Variants in CYP2W1 observed in about 807,000 individuals in gnomAD.
CYP2W1 encodes cytochrome P450 2W1.
Under a neutral mutation model 44.9 loss-of-function variants are expected in CYP2W1, and 51 were observed. That is an observed-to-expected ratio of 1.14 (90% CI 0.91 to 1.43). The LOEUF (loss-of-function observed/expected upper bound fraction) is 1.43. Ranked by LOEUF, CYP2W1 falls within the 40% of genes most tolerant of loss-of-function variation. The pLI is 0.00. For missense variants in CYP2W1, 746 were observed against 700.0 expected, an observed-to-expected ratio of 1.07 and a Z score of -0.74; for synonymous variants, 383 against 338.3, an observed-to-expected ratio of 1.13 and a Z score of -1.45.
chr7:986,437 C>T (rs1039332779), intron 4 of CYP2W1, 187 bp from the exon 5 acceptor site: 6 of 653,588 alleles, frequency 9.2e-6, no homozygotes, highest in African/African-American at 3.7e-5. Context: ...GGGACACGGA[C>T]AGGGGGTTTC....
chr7:984,361 G>GC (rs1283789197), intron 1 of CYP2W1, 51 bp from the exon 2 acceptor site: 3 of 1,535,652 alleles, frequency 2.0e-6, no homozygotes, highest in Non-Finnish European at 2.6e-6. Flanking sequence ...GGGACCTAAG[G>GC]GGGGTCTTGT....
At position 988,696 on chromosome 7, in the gene CYP2W1, C is replaced by T; in HGVS notation, c.1347C>T (p.Gly449=). 1.3e-6 allele frequency: 2 copies of T among 1,599,992 alleles called. No homozygotes were observed. The highest frequency in any genetic ancestry group is 1.7e-6 in the Non-Finnish European group (2 of 1,179,636). ...CCGAGCTCTTCCTGCTGTTTGCCGG[C>T]CTCCTGCAGAGGTACCGCCTGCTGC... ...ARTELFLLFA[G]LLQRYRLLPP... is the part of the protein sequence containing the mutation. The change falls in exon 9 of 9, where the codon GGC becomes GGT. Residue 449 remains glycine, a synonymous_variant. Coordinates refer to ENST00000308919, the MANE Select transcript of CYP2W1 (RefSeq NM_017781.3).
intron 5 of CYP2W1, 67 bp from the exon 6 acceptor site, chr7:987,040 G>A (rs768522467): frequency 1.4e-6 from 2 of 1,432,894 alleles, no homozygotes; most frequent in Non-Finnish European, 9.1e-7. Context: ...CCCAGGGCTG[G>A]GCTGGGTCTG....
intron 2 of CYP2W1, 45 bp downstream of exon 2, chr7:984,619 A>G: frequency 1.3e-6 from 2 of 1,528,564 alleles, no homozygotes; most frequent in Non-Finnish European, 1.7e-6. Flanking sequence ...GTGTGGGGGC[A>G]CCTGGACCCC....
At chr7:986,481 G>T (rs1848353875) in intron 4 of CYP2W1, 143 bp from the exon 5 acceptor site, 3 of 929,440 alleles carry the variant, frequency 3.2e-6, no homozygotes, top group Admixed American at 2.4e-5. Flanking sequence ...GAGGGCTAAG[G>T]GTCCCCCCGT....
rs764341789 is a variant in CYP2W1, at chr7:983,381, T to C, written c.170T>C (p.Met57Thr). 10 of 1,509,876 alleles carry C rather than the reference T, an allele frequency of 6.6e-6. No homozygotes were observed. The South Asian group carries it at 7.3e-5, about 11-fold the overall frequency. 93.5% of individuals were successfully genotyped at this position (1,509,876 alleles called of 1,614,324 possible). ...LRLSQQDRSLMELSERYGPVF... is the reference protein window; with the variant it reads ...LRLSQQDRSLTELSERYGPVF... ...CTGTCGCAACAGGACCGGTCCCTGA[T>C]GGAGGTAAGTCAGGGAGCCCGGGCA... The change falls in exon 1 of 9, where the codon ATG becomes ACG. Residue 57 changes from methionine (M) to threonine (T), a missense_variant. Physicochemically the swap from Met to Thr is moderately conservative, Grantham distance 81. Coordinates refer to ENST00000308919, the MANE Select transcript of CYP2W1 (RefSeq NM_017781.3).
intron 8 of CYP2W1, 38 bp from the exon 9 acceptor site, chr7:988,597 C>G: frequency 2.5e-6 from 4 of 1,601,836 alleles, no homozygotes; most frequent in Non-Finnish European, 3.4e-6. Flanking sequence ...AGGAGCAGGC[C>G]TGGTGCAGCC....
chr7:985,907 G>A (rs1337337498), intron 4 of CYP2W1, among the ~76,000 whole-genome samples: 1 of 152,164 alleles, frequency 6.6e-6, no homozygotes, highest in Non-Finnish European at 1.5e-5. Context: ...CGTGATGGGA[G>A]TGAGTGAGCA....
rs1295554413 is a variant in CYP2W1 at position 986,482 on chromosome 7, G to GT, written c.646-141dup. 3.2e-6 allele frequency: 3 copies of GT among 937,670 alleles called. No individual in the cohort carries two copies. In the African/African-American group the frequency reaches 5.0e-5, roughly 16 times the overall value. 58.1% of individuals were successfully genotyped at this position (937,670 alleles called of 1,614,324 possible). The stretch of plus-strand genomic sequence containing the variant: ...CCTGGTCCTCCCTTGAGGGCTAAGG[G>GT]TCCCCCCGTTCTGTGGCCGCCTCCA... On this transcript the variant is annotated intron_variant, in intron 4 of 8. Coordinates refer to ENST00000308919, the MANE Select transcript of CYP2W1 (RefSeq NM_017781.3).
At position 988,422 on chromosome 7, in the gene CYP2W1, A is replaced by G. The variant is rs762689897; in HGVS notation, c.1285+4A>G. Reference sequence around the variant, plus strand: ...GCCTTCCTGCCTTTCTCTGCAGGTCAGCAGCCCTCGGGGCCGGGGTGGGGC... The same window carrying G: ...GCCTTCCTGCCTTTCTCTGCAGGTCGGCAGCCCTCGGGGCCGGGGTGGGGC... On this transcript the variant is annotated splice_donor_region_variant and intron_variant, in intron 8 of 8. Coordinates refer to ENST00000308919, the MANE Select transcript of CYP2W1 (RefSeq NM_017781.3). The G allele has an allele frequency of 6.2e-7, 1 of 1,612,416 alleles. No individual in the cohort carries two copies. Among genetic ancestry groups the G allele is most frequent in the Non-Finnish European group, 8.5e-7 (1 of 1,179,778 alleles).
chr7:984,397 C>T lies in CYP2W1; in HGVS notation c.175-15C>T, dbSNP rs534442982. ...GGGTGAGGGCTGCCCGGGTGACCCC[C>T]GCCATCCCTGCCAGCTCTCAGAACG... On this transcript the variant is annotated splice_polypyrimidine_tract_variant and intron_variant, in intron 1 of 8. Transcript: ENST00000308919. 84 of 1,545,038 alleles carry T rather than the reference C, an allele frequency of 5.4e-5. 1 individual carries two copies. The highest frequency in any genetic ancestry group is 1.1e-4 in the African/African-American group (8 of 73,162).
chr7:984,817 A>T, intron 2 of CYP2W1, 133 bp from the exon 3 acceptor site: 3 of 1,288,502 alleles, frequency 2.3e-6, no homozygotes, highest in Non-Finnish European at 3.2e-6. Flanking sequence ...GCCCAGGGGG[A>T]CGGGAGTGGG....
At chr7:985,633 C>T (rs1848281398) in intron 4 of CYP2W1, among the ~76,000 whole-genome samples, 1 of 152,148 alleles carries the variant, frequency 6.6e-6, no homozygotes, top group Non-Finnish European at 1.5e-5. Context: ...GCGGGGGGCT[C>T]CATGTCTGCC....
chr7:986,143 C>T lies in CYP2W1; in HGVS notation c.646-481C>T, dbSNP rs561973960. On this transcript the variant is annotated intron_variant, in intron 4 of 8. Transcript: ENST00000308919. The stretch of plus-strand genomic sequence containing the variant: ...CAGAGACGCCGCGTGGAACTCACTA[C>T]TGGCGATCGCGGACGCCCCAGGAAG... Among the ~76,000 whole-genome samples the T allele has an allele frequency of 5.6e-4, 85 of 152,318 alleles. No individual in the cohort carries two copies. The Middle Eastern group carries it at 0.01, about 18-fold the overall frequency.
Position 986,667 on chromosome 7 carries a change from A to C in CYP2W1, c.689A>C (p.His230Pro). 6.2e-7 allele frequency: 1 copy of C among 1,612,640 alleles called. No homozygotes were observed. Among genetic ancestry groups the C allele is most frequent in the Non-Finnish European group, 8.5e-7 (1 of 1,179,874 alleles). Residue 230 changes from histidine (H) to proline (P), a missense_variant, in exon 5 of 9, where the codon CAC becomes CCC. Transcript: ENST00000308919. The stretch of plus-strand genomic sequence containing the variant: ...TGGCTCGGGGCCCTGCTCCAGCTGC[A>C]CCGGCCCGTCCTGCGCAAGATCGAG... ...YPWLGALLQL[H>P]RPVLRKIEEV...
chr7:985,931 A>G (rs1026767386), intron 4 of CYP2W1, among the ~76,000 whole-genome samples: 1 of 152,086 alleles, frequency 6.6e-6, no homozygotes, highest in African/African-American at 2.4e-5. Context: ...GTGGGTTCAC[A>G]AGCGAGAGCA....
Position 987,492 on chromosome 7 carries a change from C to G in CYP2W1, c.1104C>G (p.Thr368=). The change falls in exon 7 of 9, where the codon ACC becomes ACG. Residue 368 remains threonine, a synonymous_variant. Coordinates refer to ENST00000308919, the MANE Select transcript of CYP2W1 (RefSeq NM_017781.3). The part of the protein sequence containing the change: ...ITLLPHVPRC[T]AADTQLGGFL... Reference sequence around the variant, plus strand: ...TCCTGCCGCACGTGCCCCGCTGCACCGCGGCCGACACACAGCTGGGCGGCT... The same window carrying G: ...TCCTGCCGCACGTGCCCCGCTGCACGGCGGCCGACACACAGCTGGGCGGCT... 6 of 1,546,920 alleles carry G rather than the reference C, an allele frequency of 3.9e-6. No individual in the cohort carries two copies. The highest frequency in any genetic ancestry group is 2.4e-5 in the East Asian group (1 of 41,584).
chr7:986,859 A>T, intron 5 of CYP2W1, 62 bp downstream of exon 5: 1 of 1,429,882 alleles, frequency 7.0e-7, no homozygotes, highest in African/African-American at 1.4e-5. Flanking sequence ...ACCCCAGGGG[A>T]GCACGGCTGG....
chr7:986,598 C>G, intron 4 of CYP2W1, 26 bp from the exon 5 acceptor site: 1 of 1,611,458 alleles, frequency 6.2e-7, no homozygotes, highest in Non-Finnish European at 8.5e-7. Flanking sequence ...GCGTCCTTAT[C>G]TCCGCTCCTC....
Sources: gnomAD v4.1 joint callset for allele counts (sites outside exome capture counted in the v4.1 genomes callset) on GRCh38, gnomAD v4.1.1 for gene constraint, MANE v1.5 for transcripts, NCBI Gene and HGNC (gene_info 2026-07-23, HGNC 2026-07-21) for gene names.